The following ITCH variants were observed in gnomAD, a reference collection of about 807,000 sequenced individuals.
ITCH encodes the protein E3 ubiquitin-protein ligase Itchy homolog.
ITCH carries 28 observed loss-of-function variants against 126.8 expected under a neutral mutation model. That is an observed-to-expected ratio of 0.22 (90% CI 0.16 to 0.30). The LOEUF is 0.30. ITCH is among the 10% of genes least tolerant of loss of function. ITCH has a pLI of 1.00. For synonymous variants in ITCH, 342 were observed against 340.0 expected, an observed-to-expected ratio of 1.01 and a Z score of -0.06; for missense variants, 631 against 1,032.4, an observed-to-expected ratio of 0.61 and a Z score of 5.33.
chr20:34,417,242 A>G (rs1391704443), intron 6 of ITCH: 19 of 606,566 alleles, frequency 3.1e-5, no homozygotes, highest in Non-Finnish European at 4.2e-5. Flanking sequence ...GTTTACAGGT[A>G]TGCACCACCA....
intron 1 of ITCH, among the ~76,000 whole-genome samples, chr20:34,366,616 C>A (rs905352067): frequency 6.6e-6 from 1 of 151,658 alleles, no homozygotes; most frequent in South Asian, 2.1e-4. Flanking sequence ...CCTGTAATCT[C>A]AACAGTTTGG....
chr20:34,421,107 T>C (rs2146208190), intron 6 of ITCH, among the ~76,000 whole-genome samples: 1 of 152,302 alleles, frequency 6.6e-6, no homozygotes, highest in South Asian at 2.1e-4. Context: ...TCTGTTCACT[T>C]TGTTTTTTTA....
chr20:34,370,995 C>T (rs946633267), intron 2 of ITCH, among the ~76,000 whole-genome samples: 12 of 151,514 alleles, frequency 7.9e-5, no homozygotes, highest in African/African-American at 2.7e-4. Flanking sequence ...GGTGAAACCC[C>T]GTCTCTACTA....
intron 3 of ITCH, among the ~76,000 whole-genome samples, chr20:34,401,013 C>T (rs2038865506): frequency 6.6e-6 from 1 of 152,178 alleles, no homozygotes; most frequent in Non-Finnish European, 1.5e-5. Flanking sequence ...CCCACCTCGG[C>T]CTCCCAAAGT....
At chr20:34,499,955 C>T (rs763762688) in intron 23 of ITCH, among the ~76,000 whole-genome samples, 5 of 152,252 alleles carry the variant, frequency 3.3e-5, no homozygotes, top group African/African-American at 4.8e-5. Context: ...TTCTGGAGCA[C>T]GTTTAATTAC....
intron 3 of ITCH, among the ~76,000 whole-genome samples, chr20:34,395,393 C>G (rs577862429): frequency 6.6e-6 from 1 of 151,982 alleles, no homozygotes; most frequent in East Asian, 1.9e-4. Flanking sequence ...TCATGCTGTA[C>G]TTTGAGAGAA....
intron 15 of ITCH, among the ~76,000 whole-genome samples, chr20:34,470,580 A>T (rs1987526847): frequency 6.6e-6 from 1 of 152,106 alleles, no homozygotes; most frequent in African/African-American, 2.4e-5. Context: ...AATTTTAACC[A>T]GCTACTTTAT....
intron 14 of ITCH, among the ~76,000 whole-genome samples, chr20:34,463,130 A>G (rs1986699646): frequency 6.6e-6 from 1 of 152,220 alleles, no homozygotes; most frequent in Non-Finnish European, 1.5e-5. Flanking sequence ...TGGGAGGCCA[A>G]GGCAGGCGGA....
At chr20:34,457,327 T>G in intron 12 of ITCH, 63 bp from the exon 13 acceptor site, 1 of 1,070,478 alleles carries the variant, frequency 9.3e-7, no homozygotes, top group East Asian at 2.4e-5. Flanking sequence ...TTATTTTACC[T>G]TGAGCAAGAA....
At chr20:34,489,130 T>C (rs988716647) in intron 20 of ITCH, 136 bp from the exon 21 acceptor site, 2 of 629,332 alleles carry the variant, frequency 3.2e-6, no homozygotes, top group Non-Finnish European at 5.3e-6. Flanking sequence ...CTTGGACATG[T>C]GTACAGGGGG....
intron 1 of ITCH, among the ~76,000 whole-genome samples, chr20:34,366,025 A>C (rs904167294): frequency 1.3e-5 from 2 of 152,142 alleles, no homozygotes; most frequent in Non-Finnish European, 2.9e-5. Flanking sequence ...AGAAGAGGCA[A>C]GATTTGCCCC....
At chr20:34,469,161 C>G (rs1987376258) in intron 14 of ITCH, among the ~76,000 whole-genome samples, 1 of 152,032 alleles carries the variant, frequency 6.6e-6, no homozygotes, top group South Asian at 2.1e-4. Flanking sequence ...GTGACAGCTG[C>G]TGAAACTTAA....
intron 2 of ITCH, among the ~76,000 whole-genome samples, chr20:34,371,040 C>T (rs1322920610): frequency 2.0e-5 from 3 of 150,516 alleles, no homozygotes; most frequent in Middle Eastern, 3.2e-3. Context: ...TGGTGGCGGG[C>T]GCCTGTAGTC....
chr20:34,393,139 C>T (rs540611616), intron 2 of ITCH, among the ~76,000 whole-genome samples: 23 of 152,240 alleles, frequency 1.5e-4, no homozygotes, highest in Non-Finnish European at 2.6e-4. Flanking sequence ...TTTTGTCAGA[C>T]GATTTTCAGC....
At chr20:34,442,363 T>C in intron 10 of ITCH, 60 bp downstream of exon 10, 1 of 1,177,888 alleles carries the variant, frequency 8.5e-7, no homozygotes, top group Non-Finnish European at 1.3e-6. Context: ...ATTACAACTG[T>C]ATAATCTTCC....
At chr20:34,365,328 TATC>T (rs772835127) in intron 1 of ITCH, among the ~76,000 whole-genome samples, 5 of 152,188 alleles carry the variant, frequency 3.3e-5, no homozygotes, top group African/African-American at 4.8e-5. Context: ...TCACCAAGGA[TATC>T]ATATGAAATT....
chr20:34,474,639 C>T (rs1179913745), intron 16 of ITCH, among the ~76,000 whole-genome samples: 2 of 152,230 alleles, frequency 1.3e-5, no homozygotes, highest in African/African-American at 4.8e-5. Context: ...TCCACAAAAC[C>T]GCCATTGTCA....
intron 2 of ITCH, among the ~76,000 whole-genome samples, chr20:34,375,553 G>A (rs1047311624): frequency 6.6e-6 from 1 of 151,788 alleles, no homozygotes; most frequent in Non-Finnish European, 1.5e-5. Context: ...GGATAACATA[G>A]TGAGACCCCA....
At position 34,438,582 on chromosome 20, in the gene ITCH, T is replaced by G; in HGVS notation, c.630T>G (p.Ser210=). ...TCTCAAATGGTGGTTTTAAACCTTC[T>G]AGACCTCCAAGACCTTCACGACCAC... is the stretch of plus-strand genomic sequence containing the variant. ...PSLSNGGFKP[S]RPPRPSRPPP... is the part of the protein sequence containing the mutation. The change falls in exon 8 of 25, where the codon TCT becomes TCG. Residue 210 remains serine (S), a synonymous_variant. Coordinates refer to ENST00000374864, the MANE Select transcript of ITCH (RefSeq NM_031483.7). 6.2e-7 allele frequency: 1 copy of G among 1,614,126 alleles called. No homozygotes were observed. Among genetic ancestry groups the G allele is most frequent in the Middle Eastern group, 1.7e-4 (1 of 6,058 alleles).
Sources: gnomAD v4.1 joint callset for allele counts (sites outside exome capture counted in the v4.1 genomes callset) on GRCh38, gnomAD v4.1.1 for gene constraint, MANE v1.5 for transcripts, NCBI Gene and HGNC (gene_info 2026-07-23, HGNC 2026-07-21) for gene names.